The following ST8SIA6 variants were observed in gnomAD, a reference collection of about 807,000 sequenced individuals.
The protein encoded by ST8SIA6 is ST8 alpha-N-acetyl-neuraminide alpha-2,8-sialyltransferase 6.
A neutral mutation model predicts 33.6 loss-of-function variants in ST8SIA6; 39 were observed. That is an observed-to-expected ratio of 1.16 (90% confidence interval 0.90 to 1.52). ST8SIA6 has a LOEUF of 1.52. Ranked by LOEUF, ST8SIA6 falls within the 40% of genes most tolerant of loss-of-function variation. The pLI is 0.00. For synonymous variants in ST8SIA6, 172 were observed against 167.2 expected, an observed-to-expected ratio of 1.03 and a Z score of -0.22; for missense variants, 441 against 443.8, an observed-to-expected ratio of 0.99 and a Z score of 0.06.
intron 2 of ST8SIA6, among the ~76,000 whole-genome samples, chr10:17,443,398 C>T (rs1342200044): frequency 6.6e-6 from 1 of 152,176 alleles, no homozygotes; most frequent in Non-Finnish European, 1.5e-5. Flanking sequence ...TAATCATTTG[C>T]AAAATTAATG....
chr10:17,441,762 A>G (rs1248021000), intron 2 of ST8SIA6, among the ~76,000 whole-genome samples: 2 of 152,226 alleles, frequency 1.3e-5, no homozygotes, highest in Non-Finnish European at 2.9e-5. Flanking sequence ...GTCAAACTCA[A>G]TAAAATTACA....
At position 17,359,491 on chromosome 10, in the gene ST8SIA6, ATAT is replaced by A; in HGVS notation, c.377+20_377+22del. 5 of 1,525,356 alleles carry A rather than the reference ATAT, an allele frequency of 3.3e-6. No individual in the cohort carries two copies. Among genetic ancestry groups the A allele is most frequent in the Middle Eastern group, 3.4e-4 (2 of 5,882 alleles). 94.5% of individuals were successfully genotyped at this position (1,525,356 alleles called of 1,614,324 possible). ...ATGAACAAGACATTTTTAAAATCTCATATTATTTATGAAAAAAATTACCTAAAA... is the reference window on the plus strand; with the variant it reads ...ATGAACAAGACATTTTTAAAATCTCATATTTATGAAAAAAATTACCTAAAA... On this transcript the variant is annotated intron_variant, in intron 4 of 7. Coordinates refer to ENST00000377602, the MANE Select transcript of ST8SIA6 (RefSeq NM_001004470.3).
chr10:17,396,751 G>T (rs1418503922), intron 2 of ST8SIA6, among the ~76,000 whole-genome samples: 1 of 152,046 alleles, frequency 6.6e-6, no homozygotes, highest in African/African-American at 2.4e-5. Context: ...CACCCATTCT[G>T]CTGTGTTCCT....
At chr10:17,390,478 G>C in intron 3 of ST8SIA6, 53 bp downstream of exon 3, 1 of 1,459,628 alleles carries the variant, frequency 6.9e-7, no homozygotes, top group African/African-American at 1.4e-5. Flanking sequence ...CAGACATTCT[G>C]AAAATAAAAC....
chr10:17,353,385 T>G (rs1394082991), intron 4 of ST8SIA6, among the ~76,000 whole-genome samples: 1 of 152,212 alleles, frequency 6.6e-6, no homozygotes, highest in Non-Finnish European at 1.5e-5. Flanking sequence ...TTAAATGGTA[T>G]GGTTTGAATA....
At chr10:17,414,040 T>G (rs1368263535) in intron 2 of ST8SIA6, among the ~76,000 whole-genome samples, 3 of 152,132 alleles carry the variant, frequency 2.0e-5, no homozygotes, top group Non-Finnish European at 4.4e-5. Flanking sequence ...GCCTCCTATC[T>G]TCATACACGC....
chr10:17,334,587 CTAAGT>C (rs954198182), intron 4 of ST8SIA6, among the ~76,000 whole-genome samples: 3 of 148,212 alleles, frequency 2.0e-5, no homozygotes, highest in Admixed American at 6.7e-5. Flanking sequence ...AATACAGAAA[CTAAGT>C]TAAGAACAGT....
At chr10:17,370,317 C>A (rs1849691310) in intron 3 of ST8SIA6, among the ~76,000 whole-genome samples, 1 of 152,040 alleles carries the variant, frequency 6.6e-6, no homozygotes, top group Non-Finnish European at 1.5e-5. Context: ...GTGATTTAAT[C>A]CATTCAAATT....
In ST8SIA6 at chr10:17,319,752, ATATT is replaced by A. The variant is rs1481255399; in HGVS notation, c.*1122_*1125del. On this transcript the variant is annotated 3_prime_UTR_variant, in exon 8 of 8. Transcript: ENST00000377602. ...ATAGCATATAAAGTCCCCACATTGT[ATATT>A]TAATTATTTCAGTATATTTTGTTAC... The A allele has an allele frequency of 2.0e-5, 3 of 152,174 alleles. No individual in the cohort carries two copies. Among genetic ancestry groups the A allele is most frequent in the South Asian group, 2.1e-4 (1 of 4,828 alleles). The allele number at this position is 152,174 out of a possible 1,614,324, so 9.4% of individuals were successfully genotyped here.
chr10:17,418,345 G>A (rs2131703959), intron 2 of ST8SIA6, among the ~76,000 whole-genome samples: 1 of 152,298 alleles, frequency 6.6e-6, no homozygotes, highest in East Asian at 1.9e-4. Context: ...ACCATGTGCA[G>A]CCTGGAGCCC....
chr10:17,390,308 G>A (rs974336286), intron 3 of ST8SIA6, among the ~76,000 whole-genome samples: 2 of 152,038 alleles, frequency 1.3e-5, no homozygotes, highest in East Asian at 1.9e-4. Context: ...TAACAAATGC[G>A]GATCCAGGGA....
At chr10:17,376,533 A>G (rs966389327) in intron 3 of ST8SIA6, among the ~76,000 whole-genome samples, 11 of 152,162 alleles carry the variant, frequency 7.2e-5, no homozygotes, top group South Asian at 6.2e-4. Flanking sequence ...AACCCAAGAA[A>G]AGGAAATAAG....
In ST8SIA6 at chr10:17,397,520, C is replaced by T. The variant is rs1850856292; in HGVS notation, c.201-6900G>A. ...AAAGTGCTGGGATTACAGGCGTGAG[C>T]CACCGCGCCTGGCCTCCTGTGCACA... On this transcript the variant is annotated intron_variant, in intron 2 of 7. Coordinates refer to ENST00000377602, the MANE Select transcript of ST8SIA6 (RefSeq NM_001004470.3). 2.6e-5 allele frequency among the ~76,000 whole-genome samples: 4 copies of T among 152,172 alleles called. No homozygotes were observed. In the South Asian group the frequency reaches 8.3e-4, roughly 32 times the overall value.
At position 17,320,900 on chromosome 10, in the gene ST8SIA6, A is replaced by C. The variant is rs191572062; in HGVS notation, c.1175T>G (p.Phe392Cys). 1 of 1,613,982 alleles carries C rather than the reference A, an allele frequency of 6.2e-7. No homozygotes were observed. Among genetic ancestry groups the C allele is most frequent in the African/African-American group, 1.3e-5 (1 of 75,032 alleles). ...TGTTTAGGCGACTTCACATTTGCTA[A>C]ATTGCAGTTTGAGGATTCCTTTCAT... ...LHMKGILKLQFSKCEVA is the reference protein window; with the variant it reads ...LHMKGILKLQCSKCEVA The change falls in exon 8 of 8, where the codon TTT becomes TGT. Residue 392 changes from phenylalanine (F) to cysteine (C), a missense_variant. By Grantham distance (205) the Phe-to-Cys change is radical. Transcript: ENST00000377602.
intron 2 of ST8SIA6, among the ~76,000 whole-genome samples, chr10:17,425,253 A>G (rs1851898945): frequency 6.6e-6 from 1 of 152,214 alleles, no homozygotes; most frequent in Non-Finnish European, 1.5e-5. Flanking sequence ...GGGTTGTCCC[A>G]AAAGCAGACC....
At position 17,454,587 on chromosome 10, in the gene ST8SIA6, A is replaced by ACTG. The variant is rs1853054293; in HGVS notation, c.-335_-333dup. Among the ~76,000 whole-genome samples the ACTG allele has an allele frequency of 6.6e-6, 1 of 151,120 alleles. No individual in the cohort carries two copies. Among genetic ancestry groups the ACTG allele is most frequent in the Admixed American group, 6.6e-5 (1 of 15,226 alleles). On this transcript the variant is annotated 5_prime_UTR_variant, in exon 1 of 8. Transcript: ENST00000377602. The surrounding 1 kb of genome is among the most constrained non-coding windows in gnomAD (Gnocchi z 4.1). ...GCTGCGGGCTCCGGTCGCCGCTGCC[A>ACTG]CTGCTGCTGCCGCCGCCGCCGCGCG... is the stretch of plus-strand genomic sequence containing the variant.
intron 2 of ST8SIA6, among the ~76,000 whole-genome samples, chr10:17,439,502 A>G (rs182985273): frequency 6.0e-4 from 91 of 151,710 alleles, no homozygotes; most frequent in Non-Finnish European, 8.7e-4. Flanking sequence ...CTGGTCTAAA[A>G]CTCCTGACCT....
intron 2 of ST8SIA6, among the ~76,000 whole-genome samples, chr10:17,430,844 C>T (rs1015954828): frequency 6.6e-6 from 1 of 152,116 alleles, no homozygotes; most frequent in Non-Finnish European, 1.5e-5. Context: ...TGTCTATTTG[C>T]TCTGCTGATT....
In ST8SIA6 at chr10:17,368,407, C is replaced by CAAAAAAAAAAAAAAAA. The variant is rs200826980; in HGVS notation, c.291-8823_291-8808dup. Among the ~76,000 whole-genome samples the CAAAAAAAAAAAAAAAA allele has an allele frequency of 6.0e-3, 436 of 72,146 alleles. 34 individuals are homozygous for CAAAAAAAAAAAAAAAA. Among genetic ancestry groups the CAAAAAAAAAAAAAAAA allele is most frequent in the Non-Finnish European group, 9.6e-3 (326 of 33,924 alleles). The allele number at this position is 72,146 out of a possible 152,430, so 47.3% of individuals were successfully genotyped here. On this transcript the variant is annotated intron_variant, in intron 3 of 7. Coordinates refer to ENST00000377602, the MANE Select transcript of ST8SIA6 (RefSeq NM_001004470.3). ...GGGCAACAAGAGTGAAGCTCTGTCT[C>CAAAAAAAAAAAAAAAA]AAAAAAAAAAAAAAAAAAAAAAAAA... is the stretch of plus-strand genomic sequence containing the variant.
Sources: allele counts gnomAD v4.1 joint callset (sites outside exome capture counted in the v4.1 genomes callset), GRCh38; gene constraint gnomAD v4.1.1; non-coding constraint Gnocchi (gnomAD v3.1); transcripts MANE v1.5; gene names NCBI Gene and HGNC (gene_info 2026-07-23, HGNC 2026-07-21).